KCNQ5: variants seen among roughly 807,000 people sequenced by gnomAD.
The protein encoded by KCNQ5 is potassium voltage-gated channel subfamily KQT member 5.
KCNQ5 carries 30 observed loss-of-function variants against 98.2 expected under a neutral mutation model. The ratio of observed to expected loss-of-function variants is 0.31; its 90% CI spans 0.23 to 0.41. KCNQ5 has a LOEUF of 0.41. Ranked by LOEUF, KCNQ5 falls within the 10% of genes least tolerant of loss-of-function variation. KCNQ5 has a pLI of 1.00. For missense variants in KCNQ5, 835 were observed against 1,182.5 expected (o/e 0.71, Z 4.31); for synonymous variants, 458 against 449.4 (o/e 1.02, Z -0.24).
intron 2 of KCNQ5, among the ~76,000 whole-genome samples, chr6:73,010,228 C>G (rs1769998771): frequency 6.6e-6 from 1 of 151,970 alleles, no homozygotes; most frequent in South Asian, 2.1e-4. Flanking sequence ...TTATAGGCCA[C>G]ATTAACAGAA....
chr6:72,771,066 G>T (rs1191220370), intron 1 of KCNQ5, among the ~76,000 whole-genome samples: 1 of 152,118 alleles, frequency 6.6e-6, no homozygotes, highest in Non-Finnish European at 1.5e-5. Context: ...AGAAGTTGTT[G>T]CACATATAGT....
intron 1 of KCNQ5, among the ~76,000 whole-genome samples, chr6:72,825,151 A>T (rs1426025693): frequency 6.7e-6 from 1 of 150,122 alleles, no homozygotes; most frequent in Non-Finnish European, 1.5e-5. Flanking sequence ...CAACAACAAC[A>T]ACAAAAAAAC....
intron 1 of KCNQ5, among the ~76,000 whole-genome samples, chr6:72,763,471 T>G (rs528802044): frequency 1.6e-4 from 25 of 152,224 alleles, no homozygotes; most frequent in African/African-American, 5.8e-4. Flanking sequence ...CATAAATCCT[T>G]CTTTTACATA....
intron 1 of KCNQ5, among the ~76,000 whole-genome samples, chr6:72,945,819 C>G (rs1187389698): frequency 6.6e-6 from 1 of 152,048 alleles, no homozygotes; most frequent in African/African-American, 2.4e-5. Context: ...TTTCTTTATT[C>G]TGCAATACTG....
intron 6 of KCNQ5, 57 bp from the exon 7 acceptor site, chr6:73,111,251 G>T (rs894179157): frequency 4.3e-6 from 5 of 1,163,106 alleles, no homozygotes; most frequent in Admixed American, 1.9e-5. Flanking sequence ...TTTAATATTT[G>T]TATTATTTAA....
chr6:72,894,523 A>G (rs1779171416), intron 1 of KCNQ5, among the ~76,000 whole-genome samples: 1 of 152,190 alleles, frequency 6.6e-6, no homozygotes, highest in Non-Finnish European at 1.5e-5. Context: ...GAAAAGTCAC[A>G]AAACAAATTT....
intron 1 of KCNQ5, among the ~76,000 whole-genome samples, chr6:72,947,087 A>C (rs1039454323): frequency 6.6e-6 from 1 of 152,114 alleles, no homozygotes; most frequent in Admixed American, 6.6e-5. Flanking sequence ...CTCAGTATTA[A>C]CCGCAGCTGT....
chr6:73,031,540 T>G (rs1347190921), intron 2 of KCNQ5, among the ~76,000 whole-genome samples: 1 of 152,188 alleles, frequency 6.6e-6, no homozygotes, highest in African/African-American at 2.4e-5. Flanking sequence ...AACAAACATT[T>G]GGCTAGGGCC....
chr6:73,099,173 A>G (rs1323561974), intron 5 of KCNQ5, among the ~76,000 whole-genome samples: 1 of 152,178 alleles, frequency 6.6e-6, no homozygotes, highest in East Asian at 1.9e-4. Context: ...AAAAATAAAA[A>G]GCAAGAAACT....
At chr6:72,637,701 A>T (rs1246184728) in intron 1 of KCNQ5, among the ~76,000 whole-genome samples, 2 of 152,204 alleles carry the variant, frequency 1.3e-5, no homozygotes, top group Admixed American at 6.5e-5. Flanking sequence ...GCCTGATGAT[A>T]AAATTCTATA....
chr6:72,822,775 GGAGGCCA>G (rs1487972657), intron 1 of KCNQ5, among the ~76,000 whole-genome samples: 1 of 152,070 alleles, frequency 6.6e-6, no homozygotes, highest in African/African-American at 2.4e-5. Context: ...TTATAGTTCT[GGAGGCCA>G]GAAATCCAAA....
At chr6:72,903,084 T>G (rs1306325874) in intron 1 of KCNQ5, among the ~76,000 whole-genome samples, 1 of 152,166 alleles carries the variant, frequency 6.6e-6, no homozygotes, top group Non-Finnish European at 1.5e-5. Flanking sequence ...TGCAGGAATG[T>G]ATCCATCTCT....
At chr6:72,950,976 T>G (rs1461316488) in intron 1 of KCNQ5, among the ~76,000 whole-genome samples, 3 of 152,200 alleles carry the variant, frequency 2.0e-5, no homozygotes, top group Non-Finnish European at 4.4e-5. Context: ...CTCTGGCCTT[T>G]TTTGTTACTG....
intron 2 of KCNQ5, among the ~76,000 whole-genome samples, chr6:73,027,426 T>C (rs989877564): frequency 1.2e-4 from 19 of 152,328 alleles, no homozygotes; most frequent in South Asian, 8.3e-4. Context: ...ATTACTTCAA[T>C]GTTTGGGAAA....
chr6:72,808,387 T>G (rs1217061116), intron 1 of KCNQ5, among the ~76,000 whole-genome samples: 1 of 152,126 alleles, frequency 6.6e-6, no homozygotes, highest in Non-Finnish European at 1.5e-5. Flanking sequence ...AGTTAAAGTG[T>G]CTACATCAAC....
intron 1 of KCNQ5, among the ~76,000 whole-genome samples, chr6:72,936,293 T>G (rs534571170): frequency 4.6e-5 from 7 of 152,168 alleles, no homozygotes; most frequent in Non-Finnish European, 1.0e-4. Flanking sequence ...TATCAGAAAT[T>G]TTTACTCACT....
intron 1 of KCNQ5, among the ~76,000 whole-genome samples, chr6:72,859,746 T>C (rs1777686613): frequency 6.6e-6 from 1 of 152,020 alleles, no homozygotes; most frequent in Non-Finnish European, 1.5e-5. Flanking sequence ...CACTCCGGGA[T>C]AATTTTTTCA....
At chr6:72,767,478 T>A (rs1772636373) in intron 1 of KCNQ5, among the ~76,000 whole-genome samples, 1 of 151,868 alleles carries the variant, frequency 6.6e-6, no homozygotes, top group Non-Finnish European at 1.5e-5. Context: ...AAGAAAAAAT[T>A]AGATAAATTT....
chr6:72,732,067 C>A (rs1436401368), intron 1 of KCNQ5, among the ~76,000 whole-genome samples: 2 of 151,638 alleles, frequency 1.3e-5, no homozygotes, highest in Non-Finnish European at 2.9e-5. Context: ...CCCTTTTTTC[C>A]TTTGGAATTG....
Sources: allele counts gnomAD v4.1 joint callset (sites outside exome capture counted in the v4.1 genomes callset), GRCh38; gene constraint gnomAD v4.1.1; transcripts MANE v1.5; gene names NCBI Gene and HGNC (gene_info 2026-07-23, HGNC 2026-07-21).